RNF216: variants seen among roughly 807,000 people sequenced by gnomAD.
RNF216 encodes ring finger protein 216.
Under a neutral mutation model 110.8 loss-of-function variants are expected in RNF216, and 72 were observed. That is an observed-to-expected ratio of 0.65 (90% CI 0.54 to 0.79). The LOEUF (loss-of-function observed/expected upper bound fraction) is 0.79. RNF216 is among the 30% of genes least tolerant of loss of function. RNF216 has a pLI of 0.00. For synonymous variants in RNF216, 495 were observed against 407.5 expected (o/e 1.21, Z -2.59); for missense variants, 1,342 against 1,141.2 (o/e 1.18, Z -2.54).
At chr7:5,727,771 G>A (rs1375737501) in intron 7 of RNF216, among the ~76,000 whole-genome samples, 1 of 151,800 alleles carries the variant, frequency 6.6e-6, no homozygotes, top group East Asian at 1.9e-4. Flanking sequence ...AATACAGACT[G>A]CTCCAGTCTC....
intron 13 of RNF216, among the ~76,000 whole-genome samples, chr7:5,664,350 T>G (rs1156329554): frequency 1.3e-5 from 2 of 152,210 alleles, no homozygotes; most frequent in African/African-American, 4.8e-5. Flanking sequence ...TTCCTTTCTT[T>G]GCTCCCTAAT....
At chr7:5,758,855 G>A (rs1208364114) in intron 2 of RNF216, among the ~76,000 whole-genome samples, 1 of 152,144 alleles carries the variant, frequency 6.6e-6, no homozygotes, top group African/African-American at 2.4e-5. Flanking sequence ...AAGACTTTGG[G>A]GACTGTTGGG....
intron 9 of RNF216, among the ~76,000 whole-genome samples, chr7:5,719,157 G>A (rs781040171): frequency 6.6e-6 from 1 of 152,192 alleles, no homozygotes; most frequent in Non-Finnish European, 1.5e-5. Context: ...GAGTTGGGAG[G>A]ACGGCTTGAG....
chr7:5,637,079 A>T (rs565841727), intron 15 of RNF216, among the ~76,000 whole-genome samples: 2 of 152,240 alleles, frequency 1.3e-5, no homozygotes, highest in South Asian at 4.1e-4. Context: ...AGCTCTTCAT[A>T]GCTCCAGCTG....
Position 5,741,539 on chromosome 7 carries a change from G to A in RNF216, c.478C>T (p.Pro160Ser). The change falls in exon 4 of 17, where the codon CCG becomes TCG. Residue 160 changes from proline (P) to serine (S), a missense_variant. Pro to Ser is a moderately conservative substitution (Grantham distance 74, BLOSUM62 -1). Coordinates refer to ENST00000389902, the MANE Select transcript of RNF216 (RefSeq NM_207111.4). ...GQTEREPKPG[P>S]SHNQAANDIV... ...TCATTTGCTGCTTGGTTATGACTCG[G>A]TCCAGGCTTGGGTTCTCTTTCTGTT... is the stretch of plus-strand genomic sequence containing the variant. 1.2e-6 allele frequency: 2 copies of A among 1,614,102 alleles called. No homozygotes were observed. Among genetic ancestry groups the A allele is most frequent in the East Asian group, 2.2e-5 (1 of 44,882 alleles).
intron 13 of RNF216, among the ~76,000 whole-genome samples, chr7:5,676,186 A>G (rs1368485156): frequency 1.3e-5 from 2 of 151,170 alleles, no homozygotes; most frequent in Non-Finnish European, 3.0e-5. Context: ...ATTTTTTTGT[A>G]TTTTTAGGAG....
At chr7:5,730,880 A>C in intron 5 of RNF216, 63 bp from the exon 6 acceptor site, 1 of 1,578,000 alleles carries the variant, frequency 6.3e-7, no homozygotes, top group Non-Finnish European at 8.6e-7. Context: ...CCATTGCTTC[A>C]AATGCAATGG....
chr7:5,736,695 C>T (rs1056508720), intron 5 of RNF216, among the ~76,000 whole-genome samples: 2 of 151,900 alleles, frequency 1.3e-5, no homozygotes, highest in African/African-American at 4.8e-5. Context: ...GCCGGGCCAC[C>T]CATCATCTGA....
intron 13 of RNF216, among the ~76,000 whole-genome samples, chr7:5,669,632 C>T (rs1789766365): frequency 6.6e-6 from 1 of 152,294 alleles, no homozygotes; most frequent in East Asian, 1.9e-4. Flanking sequence ...GTGGTTCACG[C>T]CTGTAATCCC....
chr7:5,664,149 A>T (rs1324784022), intron 13 of RNF216, among the ~76,000 whole-genome samples: 1 of 152,156 alleles, frequency 6.6e-6, no homozygotes, highest in African/African-American at 2.4e-5. Context: ...CCATGCAGAG[A>T]GTTGTTTTTT....
chr7:5,651,351 C>G (rs903846910), intron 14 of RNF216, among the ~76,000 whole-genome samples: 1 of 152,032 alleles, frequency 6.6e-6, no homozygotes, highest in Non-Finnish European at 1.5e-5. Flanking sequence ...CTTAGCCTCC[C>G]AAGTAGCTGG....
chr7:5,723,071 T>C (rs1389261306), intron 8 of RNF216, among the ~76,000 whole-genome samples: 1 of 152,198 alleles, frequency 6.6e-6, no homozygotes, highest in Non-Finnish European at 1.5e-5. Flanking sequence ...CTGTGTAACA[T>C]CTGCCAAGTT....
chr7:5,772,356 C>G (rs1283691664), intron 1 of RNF216, among the ~76,000 whole-genome samples: 2 of 152,134 alleles, frequency 1.3e-5, no homozygotes, highest in Non-Finnish European at 2.9e-5. Context: ...ATTCCATGGA[C>G]AACAGTTACA....
chr7:5,628,960 T>C (rs1160196426), intron 15 of RNF216, among the ~76,000 whole-genome samples: 1 of 150,774 alleles, frequency 6.6e-6, no homozygotes, highest in Non-Finnish European at 1.5e-5. Context: ...ACTTTGGGAG[T>C]TCGAGGTGGG....
At chr7:5,770,869 G>A (rs1484317509) in intron 1 of RNF216, among the ~76,000 whole-genome samples, 1 of 151,622 alleles carries the variant, frequency 6.6e-6, no homozygotes, top group South Asian at 2.1e-4. Flanking sequence ...GTGCAGTGGT[G>A]TGATCTCGGC....
In RNF216 at chr7:5,622,665, G is replaced by T; in HGVS notation, c.*195C>A. 1 of 592,344 alleles carries T rather than the reference G, an allele frequency of 1.7e-6. No homozygotes were observed. Among genetic ancestry groups the T allele is most frequent in the South Asian group, 2.3e-5 (1 of 42,702 alleles). The allele number at this position is 592,344 out of a possible 1,614,324, so 36.7% of individuals were successfully genotyped here. On this transcript the variant is annotated 3_prime_UTR_variant, in exon 17 of 17. Transcript: ENST00000389902. ...CAGCTCTCTCCGAACTCCACCATTT[G>T]GGACGTCTTTATTATGGATCCGTCC...
chr7:5,686,143 A>C (rs1790969377), intron 13 of RNF216, among the ~76,000 whole-genome samples: 1 of 151,116 alleles, frequency 6.6e-6, no homozygotes. Context: ...GAATCGCTTG[A>C]ATCCAGAAGG....
intron 2 of RNF216, among the ~76,000 whole-genome samples, chr7:5,759,149 ATG>A (rs992497918): frequency 6.6e-6 from 1 of 152,208 alleles, no homozygotes; most frequent in African/African-American, 2.4e-5. Context: ...TGCTCCAGCC[ATG>A]TGAGACAAGC....
At chr7:5,636,274 T>C (rs560606889) in intron 15 of RNF216, among the ~76,000 whole-genome samples, 1 of 152,252 alleles carries the variant, frequency 6.6e-6, no homozygotes, top group Non-Finnish European at 1.5e-5. Flanking sequence ...AACTGTGGTA[T>C]GCTGTGACTG....
Sources: gnomAD v4.1 joint callset for allele counts (sites outside exome capture counted in the v4.1 genomes callset) on GRCh38, gnomAD v4.1.1 for gene constraint, MANE v1.5 for transcripts, NCBI Gene and HGNC (gene_info 2026-07-23, HGNC 2026-07-21) for gene names.